The following AFMID variants were observed in gnomAD, a reference collection of about 807,000 sequenced individuals.
AFMID encodes the protein arylformamidase, also known as kynurenine formamidase.
In AFMID, 39 loss-of-function variants were observed where a neutral mutation model predicts 47.5. That is an observed-to-expected ratio of 0.82 (90% CI 0.64 to 1.07). The LOEUF (loss-of-function observed/expected upper bound fraction) is 1.07. AFMID is among the 50% of genes least tolerant of loss of function. AFMID has a pLI of 0.00. For missense variants in AFMID, 375 were observed against 387.5 expected (o/e 0.97, Z 0.27); for synonymous variants, 130 against 153.2 (o/e 0.85, Z 1.12).
At chr17:78,197,073 C>A in intron 2 of AFMID, 1 of 1,320,600 alleles carries the variant, frequency 7.6e-7, no homozygotes, top group Non-Finnish European at 1.1e-6. Flanking sequence ...TTTTAATGGC[C>A]ATTCCACTTA....
At chr17:78,204,552 ATGCTGTG>A (rs2076326722) in intron 4 of AFMID, 97 bp from the exon 5 acceptor site, 2 of 1,065,780 alleles carry the variant, frequency 1.9e-6, no homozygotes, top group Non-Finnish European at 2.9e-6. Context: ...GAAAGGGGTG[ATGCTGTG>A]CGTGGACAGG....
Position 78,191,146 on chromosome 17 carries a change from G to C in AFMID, c.154+86G>C. 3 of 1,203,622 alleles carry C rather than the reference G, an allele frequency of 2.5e-6. No homozygotes were observed. In the South Asian group the frequency reaches 3.8e-5, roughly 15 times the overall value. The allele number at this position is 1,203,622 out of a possible 1,614,324, so 74.6% of individuals were successfully genotyped here. Reference sequence around the variant, plus strand: ...GAATGCTGGGGGTTGGGGGGGCTGTGCTGCACCACCTGGGCCTCGAGGGGC... The same window carrying C: ...GAATGCTGGGGGTTGGGGGGGCTGTCCTGCACCACCTGGGCCTCGAGGGGC... On this transcript the variant is annotated intron_variant, in intron 2 of 10. Transcript: ENST00000409257.
At chr17:78,193,663 A>G (rs1160262516) in intron 2 of AFMID, among the ~76,000 whole-genome samples, 1 of 152,044 alleles carries the variant, frequency 6.6e-6, no homozygotes, top group Non-Finnish European at 1.5e-5. Flanking sequence ...CCTGGGCAAC[A>G]TAGCAATAAC....
At chr17:78,198,162 A>G (rs1265904095) in intron 2 of AFMID, among the ~76,000 whole-genome samples, 1 of 152,148 alleles carries the variant, frequency 6.6e-6, no homozygotes, top group Non-Finnish European at 1.5e-5. Flanking sequence ...CTAGGAGGTT[A>G]AGGCTGCAGT....
At chr17:78,194,739 G>T (rs2145855360) in intron 2 of AFMID, among the ~76,000 whole-genome samples, 1 of 152,132 alleles carries the variant, frequency 6.6e-6, no homozygotes, top group South Asian at 2.1e-4. Context: ...TGTTGTCCAG[G>T]CTTGGAGTGC....
At chr17:78,197,123 A>G in intron 2 of AFMID, 3 of 1,543,818 alleles carry the variant, frequency 1.9e-6, no homozygotes, top group Non-Finnish European at 2.6e-6. Flanking sequence ...TCGTAGCACA[A>G]CTTTAATCTA....
At chr17:78,189,611 T>G (rs2145841866) in intron 1 of AFMID, among the ~76,000 whole-genome samples, 1 of 150,324 alleles carries the variant, frequency 6.7e-6, no homozygotes, top group Admixed American at 6.6e-5. Flanking sequence ...CTCTGCTTCC[T>G]GGGCTCAAGC....
At chr17:78,193,317 G>T (rs1471030265) in intron 2 of AFMID, among the ~76,000 whole-genome samples, 1 of 145,178 alleles carries the variant, frequency 6.9e-6, no homozygotes, top group Non-Finnish European at 1.5e-5. Context: ...CTTGCAGTGA[G>T]CCGGGATCGC....
intron 2 of AFMID, among the ~76,000 whole-genome samples, chr17:78,201,916 G>A (rs1046360535): frequency 1.6e-4 from 24 of 151,554 alleles, no homozygotes; most frequent in Non-Finnish European, 2.9e-5. Context: ...ATTTTTAGTA[G>A]AGACAGGGTT....
rs996944586 is a variant in AFMID at position 78,204,752 on chromosome 17, T to G, written c.394+11T>G. On this transcript the variant is annotated intron_variant, in intron 5 of 10. Coordinates refer to ENST00000409257, the MANE Select transcript of AFMID (RefSeq NM_001010982.5). ...GCATCGCCCCCAAAGGTAATAGGAG[T>G]GGTTGCTGCAGGTCCGAGGGCCGGT... 1.9e-6 allele frequency: 3 copies of G among 1,613,146 alleles called. No homozygotes were observed. The highest frequency in any genetic ancestry group is 2.5e-6 in the Non-Finnish European group (3 of 1,179,852).
chr17:78,187,960 C>CA (rs34018698), intron 1 of AFMID, among the ~76,000 whole-genome samples: 1,147 of 56,572 alleles, frequency 0.02, 84 homozygotes, highest in Non-Finnish European at 0.028. Flanking sequence ...GACTTAGTCT[C>CA]AAAAAAAAAA....
chr17:78,206,164 C>T (rs917626998), intron 10 of AFMID, 114 bp downstream of exon 10: 11 of 819,530 alleles, frequency 1.3e-5, no homozygotes, highest in Admixed American at 4.5e-5. Context: ...GGAGAAACTC[C>T]GTGTCTACTA....
intron 2 of AFMID, among the ~76,000 whole-genome samples, chr17:78,192,323 T>TTC: frequency 6.8e-6 from 1 of 146,328 alleles, no homozygotes; most frequent in Admixed American, 6.8e-5. Flanking sequence ...TTTTTTTTTT[T>TTC]TTTTTTTTGA....
Position 78,205,590 on chromosome 17 carries a change from C to G in AFMID, c.645-13C>G. The G allele has an allele frequency of 6.2e-7, 1 of 1,613,964 alleles. No homozygotes were observed. Among genetic ancestry groups the G allele is most frequent in the East Asian group, 2.2e-5 (1 of 44,860 alleles). On this transcript the variant is annotated splice_polypyrimidine_tract_variant and intron_variant, in intron 8 of 10. Coordinates refer to ENST00000409257, the MANE Select transcript of AFMID (RefSeq NM_001010982.5). ...TCCTCTCTGTCCTGACCCCTGTCCA[C>G]TCCCCACCCCAGGGAGGACGCTCAG...
intron 2 of AFMID, among the ~76,000 whole-genome samples, chr17:78,201,428 C>T (rs1477942740): frequency 6.6e-6 from 1 of 151,958 alleles, no homozygotes; most frequent in African/African-American, 2.4e-5. Flanking sequence ...AGACCAGCCT[C>T]GCCAATACAG....
chr17:78,202,833 C>A lies in AFMID; in HGVS notation c.308+82C>A, dbSNP rs964265743. On this transcript the variant is annotated intron_variant, in intron 4 of 10. Coordinates refer to ENST00000409257, the MANE Select transcript of AFMID (RefSeq NM_001010982.5). ...ACTCCTCCTCCAGGGCTGCCGCAAC[C>A]AAACTGCCACAAGCTGGGCACTCCT... 6.4e-4 allele frequency: 945 copies of A among 1,482,382 alleles called. 1 individual carries two copies. The highest frequency in any genetic ancestry group is 8.5e-4 in the Non-Finnish European group (921 of 1,086,620). 91.8% of individuals were successfully genotyped at this position (1,482,382 alleles called of 1,614,324 possible).
chr17:78,199,532 G>A (rs1250317101), intron 2 of AFMID, among the ~76,000 whole-genome samples: 6 of 151,976 alleles, frequency 3.9e-5, no homozygotes, highest in Non-Finnish European at 8.8e-5. Flanking sequence ...GCGCCACCAC[G>A]CCTGGCTAAT....
At chr17:78,194,743 G>A (rs1368532247) in intron 2 of AFMID, among the ~76,000 whole-genome samples, 1 of 152,034 alleles carries the variant, frequency 6.6e-6, no homozygotes, top group Non-Finnish European at 1.5e-5. Flanking sequence ...GTCCAGGCTT[G>A]GAGTGCAATG....
At chr17:78,188,815 T>A (rs762739615) in intron 1 of AFMID, among the ~76,000 whole-genome samples, 1 of 152,130 alleles carries the variant, frequency 6.6e-6, no homozygotes, top group East Asian at 1.9e-4. Flanking sequence ...GCCAGGATGG[T>A]CTCCAACTCC....
Sources: gnomAD v4.1 joint callset for allele counts (sites outside exome capture counted in the v4.1 genomes callset) on GRCh38, gnomAD v4.1.1 for gene constraint, MANE v1.5 for transcripts, NCBI Gene and HGNC (gene_info 2026-07-23, HGNC 2026-07-21) for gene names.